The following LONP2 variants were observed in gnomAD, a reference collection of about 807,000 sequenced individuals.
The protein encoded by LONP2 is lon protease homolog 2, peroxisomal.
LONP2 carries 60 observed loss-of-function variants against 85.6 expected under a neutral mutation model. The ratio of observed to expected loss-of-function variants is 0.70; its 90% confidence interval spans 0.57 to 0.87. The LOEUF (loss-of-function observed/expected upper bound fraction) is 0.87. Among genes scored for constraint, LONP2 ranks in the 40% least tolerant of loss-of-function variants. The pLI is 0.00. For synonymous variants in LONP2, 395 were observed against 389.7 expected, an observed-to-expected ratio of 1.01 and a Z score of -0.16; for missense variants, 860 against 1,063.5, an observed-to-expected ratio of 0.81 and a Z score of 2.66.
Position 48,258,704 on chromosome 16 carries a change from A to G in LONP2, c.687A>G (p.Gln229=), listed in dbSNP as rs760497691. Residue 229 remains glutamine, a synonymous_variant, in exon 4 of 15, where the codon CAA becomes CAG. Transcript: ENST00000285737. ...AAATTGAAGGCCTGAAATTGCTTCA[A>G]AAAACCAGAAAACCCAAGCAAGATG... ...VRQIEGLKLL[Q]KTRKPKQDDD... 79 of 1,612,558 alleles carry G rather than the reference A, an allele frequency of 4.9e-5. No homozygotes were observed. The highest frequency in any genetic ancestry group is 2.8e-4 in the Admixed American group (17 of 59,736).
intron 11 of LONP2, among the ~76,000 whole-genome samples, chr16:48,314,356 T>C (rs1398823568): frequency 6.6e-6 from 1 of 152,210 alleles, no homozygotes; most frequent in Non-Finnish European, 1.5e-5. Context: ...GCTTTTGTCA[T>C]TTTCTTCATG....
intron 12 of LONP2, among the ~76,000 whole-genome samples, chr16:48,337,852 C>A (rs1567349518): frequency 6.6e-6 from 1 of 152,176 alleles, no homozygotes; most frequent in Non-Finnish European, 1.5e-5. Context: ...CTCACTCTGT[C>A]ACCTAGGCTG....
At chr16:48,298,626 G>GGTGTGTGTGTGT (rs3138605) in intron 9 of LONP2, among the ~76,000 whole-genome samples, 2,395 of 134,358 alleles carry the variant, frequency 0.018, 35 homozygotes, top group Middle Eastern at 0.027. Context: ...ATTTAATTGA[G>GGTGTGTGTGTGT]GTGTGTGTGT....
At chr16:48,313,659 C>T (rs370740457) in intron 11 of LONP2, among the ~76,000 whole-genome samples, 12 of 152,298 alleles carry the variant, frequency 7.9e-5, no homozygotes, top group East Asian at 7.7e-4. Context: ...GACATGCTCT[C>T]GTTCCTTTTT....
downstream of LONP2, chr16:48,360,757 A>T (rs1960551571): frequency 6.6e-6 from 1 of 152,624 alleles, no homozygotes; most frequent in South Asian, 2.1e-4. Context: ...ATTTATAAAA[A>T]TCAATTTATT....
chr16:48,334,452 CT>C (rs1959576208), intron 12 of LONP2, 94 bp downstream of exon 12: 2 of 1,477,890 alleles, frequency 1.4e-6, no homozygotes, highest in Admixed American at 1.8e-5. Context: ...GGAGGCTGCC[CT>C]TTGGGGAAGG....
At chr16:48,264,232 C>T (rs1971940359) in intron 6 of LONP2, among the ~76,000 whole-genome samples, 1 of 152,172 alleles carries the variant, frequency 6.6e-6, no homozygotes, top group African/African-American at 2.4e-5. Context: ...ATTTCCTCTT[C>T]CTAATAAGCC....
At chr16:48,297,428 G>T (rs866387627) in intron 9 of LONP2, among the ~76,000 whole-genome samples, 29 of 151,970 alleles carry the variant, frequency 1.9e-4, no homozygotes, top group Middle Eastern at 3.2e-3. Context: ...TTGTGCCTCA[G>T]CCTCCTGAGT....
At chr16:48,295,338 C>CTCCA in intron 8 of LONP2, among the ~76,000 whole-genome samples, 1 of 152,160 alleles carries the variant, frequency 6.6e-6, no homozygotes, top group East Asian at 1.9e-4. Flanking sequence ...TGCCACTGCA[C>CTCCA]TCCAACCTGG....
intron 9 of LONP2, among the ~76,000 whole-genome samples, chr16:48,297,811 T>C (rs2150997541): frequency 6.6e-6 from 1 of 152,206 alleles, no homozygotes; most frequent in Admixed American, 6.5e-5. Context: ...ACAATTCTCT[T>C]GCCTCAGCCT....
intron 3 of LONP2, among the ~76,000 whole-genome samples, chr16:48,257,081 A>G (rs926904654): frequency 5.9e-5 from 9 of 152,032 alleles, no homozygotes; most frequent in Non-Finnish European, 1.2e-4. Context: ...GGAGGCTGAG[A>G]TGGGTGGATC....
intron 6 of LONP2, among the ~76,000 whole-genome samples, chr16:48,267,053 A>G (rs1464558476): frequency 6.6e-6 from 1 of 152,220 alleles, no homozygotes; most frequent in Non-Finnish European, 1.5e-5. Context: ...GTGACAAAAT[A>G]CTGCCTTTTA....
chr16:48,256,490 C>A, intron 2 of LONP2, 120 bp from the exon 3 acceptor site: 1 of 958,344 alleles, frequency 1.0e-6, no homozygotes, highest in Non-Finnish European at 1.6e-6. Flanking sequence ...CTATATTAAT[C>A]AGTGATCTTT....
chr16:48,296,269 A>G, intron 9 of LONP2, 104 bp downstream of exon 9: 1 of 1,260,184 alleles, frequency 7.9e-7, no homozygotes, highest in Non-Finnish European at 1.1e-6. Flanking sequence ...ATTTGCCAAC[A>G]TACAATCTTC....
chr16:48,291,842 C>T (rs932910753), intron 8 of LONP2, among the ~76,000 whole-genome samples: 24 of 152,222 alleles, frequency 1.6e-4, no homozygotes, highest in African/African-American at 5.3e-4. Flanking sequence ...ATCAGTATTT[C>T]TGATGCTGTT....
downstream of LONP2, among the ~76,000 whole-genome samples, chr16:48,359,711 C>T (rs1327821240): frequency 1.3e-5 from 2 of 150,848 alleles, no homozygotes; most frequent in Admixed American, 6.6e-5. Flanking sequence ...AGTAAAACTC[C>T]GTCTCAAAAA....
chr16:48,350,553 C>T (rs2151035164), intron 14 of LONP2, among the ~76,000 whole-genome samples: 1 of 152,356 alleles, frequency 6.6e-6, no homozygotes, highest in Admixed American at 6.5e-5. Context: ...AGGAGTACTT[C>T]AGCAGCATGA....
chr16:48,334,265 C>A lies in LONP2; in HGVS notation c.1845C>A (p.Asp615Glu). 6.2e-7 allele frequency: 1 copy of A among 1,613,850 alleles called. No homozygotes were observed. The highest frequency in any genetic ancestry group is 8.5e-7 in the Non-Finnish European group (1 of 1,179,744). The part of the protein sequence containing the change: ...LEDEKPESIS[D>E]TTDLALPPEM... ...ATGAAAAACCTGAATCTATCAGTGA[C>A]ACTACTGACTTGGCTCTACCACCTG... Residue 615 changes from aspartate (D) to glutamate (E), a missense_variant, in exon 12 of 15, where the codon GAC becomes GAA. By Grantham distance (45) the Asp-to-Glu change is conservative (BLOSUM62 2). This residue lies in a region of LONP2 where 743 missense variants were observed against 917.3 expected (regional missense o/e 0.81). Transcript: ENST00000285737.
chr16:48,269,995 TTC>T lies in LONP2; in HGVS notation c.983-19_983-18del. 1 of 1,597,272 alleles carries T rather than the reference TTC, an allele frequency of 6.3e-7. No homozygotes were observed. The highest frequency in any genetic ancestry group is 8.5e-7 in the Non-Finnish European group (1 of 1,173,498). ...TAAAAATTTTATGTGTTCTAATTAT[TTC>T]TGTTGGGTTATTTGACAGACCGCCT... On this transcript the variant is annotated intron_variant, in intron 6 of 14. Coordinates refer to ENST00000285737, the MANE Select transcript of LONP2 (RefSeq NM_031490.5).
Sources: gnomAD v4.1 joint callset for allele counts (sites outside exome capture counted in the v4.1 genomes callset) on GRCh38, gnomAD v4.1.1 for gene constraint, gnomAD v4.1.1 regional missense constraint, MANE v1.5 for transcripts, NCBI Gene and HGNC (gene_info 2026-07-23, HGNC 2026-07-21) for gene names.